The following ERI2 variants were observed in gnomAD, a reference collection of about 807,000 sequenced individuals.
The protein encoded by ERI2 is ERI1 exoribonuclease family member 2.
A neutral mutation model predicts 46.8 loss-of-function variants in ERI2; 35 were observed. That is an observed-to-expected ratio of 0.75 (90% CI 0.57 to 0.99). The LOEUF (loss-of-function observed/expected upper bound fraction) is 0.99, where lower values mean the gene tolerates loss of function less well. Ranked by LOEUF, ERI2 falls within the 50% of genes least tolerant of loss-of-function variation. The pLI is 0.00. For synonymous variants in ERI2, 224 were observed against 271.0 expected (o/e 0.83, Z 1.70); for missense variants, 695 against 796.2 (o/e 0.87, Z 1.53).
chr16:20,789,346 C>A (rs1596535330), intron 10 of ERI2: 1 of 698,008 alleles, frequency 1.4e-6, no homozygotes, highest in East Asian at 2.5e-5. Flanking sequence ...AGGTACATGT[C>A]AAGTACTTAA....
chr16:20,785,027 C>T (rs2080440882), intron 10 of ERI2: 2 of 1,613,606 alleles, frequency 1.2e-6, no homozygotes, highest in Non-Finnish European at 1.7e-6. Context: ...TGCTGGGGAA[C>T]CAATTACCCC....
At chr16:20,781,306 G>A (rs553400156) in intron 10 of ERI2, among the ~76,000 whole-genome samples, 1 of 152,264 alleles carries the variant, frequency 6.6e-6, no homozygotes, top group African/African-American at 2.4e-5. Context: ...GTATCCACAG[G>A]TTCTGCAGCC....
rs1018083261 is a variant in ERI2, at chr16:20,790,540, A to T, written c.815+310T>A. The T allele has an allele frequency of 5.8e-6, 9 of 1,541,428 alleles. No homozygotes were observed. The highest frequency in any genetic ancestry group is 4.1e-5 in the African/African-American group (3 of 72,892). On this transcript the variant is annotated intron_variant, in intron 9 of 10. Coordinates refer to the ERI2 transcript ENST00000300005. The surrounding 1 kb of genome is among the most constrained non-coding windows in gnomAD (Gnocchi z 4.0). The stretch of plus-strand genomic sequence containing the variant: ...TTGCAAAGTTAATATTTAAGCTGCG[A>T]CATTAAACAAAAATTTCCTTAAATA...
At position 20,790,686 on chromosome 16, in the gene ERI2, G is replaced by A. The variant is rs146721389; in HGVS notation, c.815+164C>T. On this transcript the variant is annotated intron_variant, in intron 9 of 10. Coordinates refer to the ERI2 transcript ENST00000300005. This position sits in a 1 kb window ranked among gnomAD's most constrained non-coding sequence, Gnocchi z 4.0. Reference sequence around the variant, plus strand: ...ACCATTTGGCCTTTTTACTCATTACGTAGTAAGTGACTTACTAAATAATCT... The same window carrying A: ...ACCATTTGGCCTTTTTACTCATTACATAGTAAGTGACTTACTAAATAATCT... The A allele has an allele frequency of 3.0e-5, 48 of 1,613,242 alleles. No homozygotes were observed. The highest frequency in any genetic ancestry group is 1.6e-4 in the African/African-American group (12 of 74,894).
chr16:20,806,070 T>C lies in ERI2; in HGVS notation c.23+338A>G, dbSNP rs1006541324. The C allele has an allele frequency of 7.1e-5, 88 of 1,231,980 alleles. No homozygotes were observed. The African/African-American group carries it at 1.2e-3, about 17-fold the overall frequency. 76.3% of individuals were successfully genotyped at this position (1,231,980 alleles called of 1,614,324 possible). A position where few individuals can be genotyped will look rare whatever the true frequency, so the allele number is the denominator to read the frequency against. ...ACCTTGACAGATTCAGTGTGTGGCCTGCCTGAGACCTCCAACCAGTCTGCA... is the reference window on the plus strand; with the variant it reads ...ACCTTGACAGATTCAGTGTGTGGCCCGCCTGAGACCTCCAACCAGTCTGCA... On this transcript the variant is annotated intron_variant, in intron 1 of 8. Coordinates refer to ENST00000357967, the MANE Select transcript of ERI2 (RefSeq NM_001142725.2).
chr16:20,793,783 T>G (rs2080658454), downstream of ERI2, among the ~76,000 whole-genome samples: 1 of 152,208 alleles, frequency 6.6e-6, no homozygotes, highest in African/African-American at 2.4e-5. Flanking sequence ...TCGGCAAGGT[T>G]TCACGAGTCT....
downstream of ERI2, among the ~76,000 whole-genome samples, chr16:20,795,543 G>T (rs538872563): frequency 6.6e-6 from 1 of 152,300 alleles, no homozygotes; most frequent in Admixed American, 6.5e-5. Flanking sequence ...CTTTAAGCTG[G>T]ACAAACGAAT....
intron 10 of ERI2, among the ~76,000 whole-genome samples, chr16:20,787,907 C>G (rs1001867789): frequency 6.6e-6 from 1 of 152,158 alleles, no homozygotes; most frequent in Non-Finnish European, 1.5e-5. Context: ...AGAACCACCC[C>G]CCGACAACCC....
At chr16:20,780,751 C>T (rs745379309) in intron 10 of ERI2, 9 of 1,614,054 alleles carry the variant, frequency 5.6e-6, no homozygotes, top group South Asian at 1.1e-5. Context: ...GAAGACAAAA[C>T]ACAATGAGAT....
downstream of ERI2, among the ~76,000 whole-genome samples, chr16:20,795,221 A>T (rs2080697046): frequency 6.6e-6 from 1 of 152,182 alleles, no homozygotes; most frequent in South Asian, 2.1e-4. Flanking sequence ...AAGTCTCACT[A>T]TGTTGCCCAG....
rs2152494478 is a variant in ERI2, at chr16:20,797,828, CT to C, written c.1971del (p.Gly659AspfsTer17). 5 of 1,551,486 alleles carry C rather than the reference CT, an allele frequency of 3.2e-6. No individual in the cohort carries two copies. In the East Asian group the frequency reaches 1.2e-4, roughly 38 times the overall value. On this transcript the variant is annotated frameshift_variant, in exon 9 of 9. Transcript: ENST00000357967. LOFTEE classifies it high-confidence loss of function. Reference protein sequence around the residue: ...RANSMVPSHSTGGLTFSSPET... With the variant: ...RANSMVPSHSXGGLTFSSPET... ...TCTGGAGAACTAAAAGTGAGTCCCC[CT>C]GTGGAATGAGATGGAACCATGCTGT...
chr16:20,794,784 A>C (rs1424084995), downstream of ERI2, among the ~76,000 whole-genome samples: 1 of 152,214 alleles, frequency 6.6e-6, no homozygotes, highest in Non-Finnish European at 1.5e-5. Flanking sequence ...AGGCACAAAG[A>C]GATTACCTAA....
chr16:20,781,229 A>G (rs140969984), intron 10 of ERI2: 5 of 1,407,352 alleles, frequency 3.6e-6, no homozygotes, highest in Non-Finnish European at 4.8e-6. Flanking sequence ...CAGAGTAGAC[A>G]ATATGATTTA....
rs1232969207 is a variant in ERI2, at chr16:20,789,680, TTTTC to T, written c.816-127_816-124del. 13 of 633,126 alleles carry T rather than the reference TTTTC, an allele frequency of 2.1e-5. No individual in the cohort carries two copies. In the East Asian group the frequency reaches 3.1e-4, roughly 15 times the overall value. The allele number at this position is 633,126 out of a possible 1,614,324, so 39.2% of individuals were successfully genotyped here. On this transcript the variant is annotated intron_variant, in intron 9 of 10. Coordinates refer to the ERI2 transcript ENST00000300005. ...ACTGTATATTATAAAGCAACTCTAT[TTTTC>T]TTTTTTTTTTTTTTTTTTTGAGATG... is the stretch of plus-strand genomic sequence containing the variant.
chr16:20,802,346 A>C (rs1376742392), intron 4 of ERI2, among the ~76,000 whole-genome samples: 2 of 151,964 alleles, frequency 1.3e-5, no homozygotes, highest in Admixed American at 1.3e-4. Context: ...AAAAATAAAT[A>C]AATAAATACA....
chr16:20,781,616 A>G, intron 10 of ERI2: 1 of 952,118 alleles, frequency 1.1e-6, no homozygotes, highest in East Asian at 2.4e-5. Context: ...ATTAACATAA[A>G]CAATGTTTAA....
chr16:20,796,102 C>A, downstream of ERI2: 1 of 348,422 alleles, frequency 2.9e-6, no homozygotes. Flanking sequence ...ACATGGCAAA[C>A]TCAGCGTGAC....
At position 20,800,311 on chromosome 16, in the gene ERI2, T is replaced by G. The variant is rs757584784; in HGVS notation, c.552A>C (p.Ala184=). 6.2e-7 allele frequency: 1 copy of G among 1,602,936 alleles called. No homozygotes were observed. Among genetic ancestry groups the G allele is most frequent in the Non-Finnish European group, 8.5e-7 (1 of 1,172,882 alleles). The change falls in exon 6 of 9, where the codon GCA becomes GCC. Residue 184 remains alanine (A), a synonymous_variant. Coordinates refer to ENST00000357967, the MANE Select transcript of ERI2 (RefSeq NM_001142725.2). The part of the protein sequence containing the change: ...VFLNSWIDLR[A]TYKLFYRRKP... ...CATTTTTTACCATTACCTTGTAAGT[T>G]GCTCTGAGATCAATCCAAGAATTTA...
Position 20,797,050 on chromosome 16 carries a change from G to T in ERI2, c.*674C>A, listed in dbSNP as rs2080736920. 2.0e-6 allele frequency: 3 copies of T among 1,537,742 alleles called. No homozygotes were observed. In the East Asian group the frequency reaches 7.1e-5, roughly 36 times the overall value. On this transcript the variant is annotated 3_prime_UTR_variant, in exon 9 of 9. Coordinates refer to ENST00000357967, the MANE Select transcript of ERI2 (RefSeq NM_001142725.2). Reference sequence around the variant, plus strand: ...TCTAGAAACCACAAGATGATGGAGAGGTCATAAAAACTGTGGTAGTATGCT... The same window carrying T: ...TCTAGAAACCACAAGATGATGGAGATGTCATAAAAACTGTGGTAGTATGCT...
Sources: allele counts gnomAD v4.1 joint callset (sites outside exome capture counted in the v4.1 genomes callset), GRCh38; gene constraint gnomAD v4.1.1; non-coding constraint Gnocchi (gnomAD v3.1); transcripts MANE v1.5; gene names NCBI Gene and HGNC (gene_info 2026-07-23, HGNC 2026-07-21).